Variants in MTG1 observed in about 807,000 individuals in gnomAD.
MTG1 encodes the protein mitochondrial ribosome-associated GTPase 1.
Under a neutral mutation model 39.5 loss-of-function variants are expected in MTG1, and 30 were observed. The observed-to-expected ratio is 0.76, with a 90% CI of 0.57 to 1.03. The LOEUF (loss-of-function observed/expected upper bound fraction) is 1.03. MTG1 is among the 50% of genes least tolerant of loss of function. MTG1 has a pLI of 0.00. For synonymous variants in MTG1, 217 were observed against 179.0 expected, an observed-to-expected ratio of 1.21 and a Z score of -1.69; for missense variants, 513 against 447.4, an observed-to-expected ratio of 1.15 and a Z score of -1.32.
intron 9 of MTG1, among the ~76,000 whole-genome samples, chr10:133,410,005 C>T (rs2133507096): frequency 6.6e-6 from 1 of 151,234 alleles, no homozygotes; most frequent in East Asian, 1.9e-4. Flanking sequence ...TTATAGGTAG[C>T]ATATAGTTTG....
In MTG1 at chr10:133,420,091, C is replaced by G. The variant is rs372230583; in HGVS notation, c.931C>G (p.Arg311Gly). 4.3e-6 allele frequency: 7 copies of G among 1,613,536 alleles called. No individual in the cohort carries two copies. Among genetic ancestry groups the G allele is most frequent in the Non-Finnish European group, 5.9e-6 (7 of 1,179,800 alleles). The change falls in exon 11 of 11, where the codon CGT (arginine) becomes GGT (glycine). Residue 311 changes from arginine to glycine, a missense_variant. Coordinates refer to ENST00000317502, the MANE Select transcript of MTG1 (RefSeq NM_138384.4). ...CCGTGACTTCCTGCAGACTTTCCGC[C>G]GTGGGCTGCTGGGTTCCGTGATGCT... Reference protein sequence around the residue: ...AARDFLQTFRRGLLGSVMLDL... With the variant: ...AARDFLQTFRGGLLGSVMLDL...
At chr10:133,408,666 CA>C (rs1850003612) in intron 9 of MTG1, among the ~76,000 whole-genome samples, 2 of 152,170 alleles carry the variant, frequency 1.3e-5, no homozygotes, top group South Asian at 4.1e-4. Context: ...GCAGTGAAGC[CA>C]TCAGGACCTG....
In MTG1 at chr10:133,420,211, T is replaced by A. The variant is rs1589921623; in HGVS notation, c.*46T>A. The A allele has an allele frequency of 6.4e-7, 1 of 1,559,074 alleles. No individual in the cohort carries two copies. The highest frequency in any genetic ancestry group is 1.2e-5 in the South Asian group (1 of 84,236). On this transcript the variant is annotated 3_prime_UTR_variant, in exon 11 of 11. Coordinates refer to ENST00000317502, the MANE Select transcript of MTG1 (RefSeq NM_138384.4). Reference sequence around the variant, plus strand: ...CCGGAGGCATGTGGCCTCCCAGACCTCCTGACCTGGGTGGTTGAGGCTCAA... The same window carrying A: ...CCGGAGGCATGTGGCCTCCCAGACCACCTGACCTGGGTGGTTGAGGCTCAA...
chr10:133,394,664 C>T (rs1849754400), intron 1 of MTG1: 3 of 1,170,728 alleles, frequency 2.6e-6, no homozygotes, highest in Non-Finnish European at 3.2e-6. Context: ...CCCGAAGCCT[C>T]CGTTTCCACA....
At chr10:133,397,808 G>A (rs1182950099) in intron 3 of MTG1, among the ~76,000 whole-genome samples, 2 of 140,252 alleles carry the variant, frequency 1.4e-5, no homozygotes, top group East Asian at 4.2e-4. Context: ...ATCATCGCAA[G>A]TGTTTTCACT....
intron 3 of MTG1, 79 bp downstream of exon 3, chr10:133,396,346 C>G: frequency 8.1e-7 from 1 of 1,229,378 alleles, no homozygotes. Flanking sequence ...GAAGAGTTGC[C>G]GGACGCACAC....
At chr10:133,399,735 C>A in intron 6 of MTG1, 116 bp downstream of exon 6, 2 of 1,031,680 alleles carry the variant, frequency 1.9e-6, no homozygotes, top group Non-Finnish European at 2.9e-6. Flanking sequence ...CAGTCTTCTG[C>A]TGACCCCGCA....
chr10:133,421,904 G>GGGGC lies in MTG1; in HGVS notation c.*1742_*1743insCGGG, dbSNP rs1554893369. The stretch of plus-strand genomic sequence containing the variant: ...GAGGGTGAGATCCCAAGGCCACGGC[G>GGGGC]GGGGGCAGGGAGAACCCCTCCTACC... On this transcript the variant is annotated 3_prime_UTR_variant, in exon 11 of 11. Coordinates refer to ENST00000317502, the MANE Select transcript of MTG1 (RefSeq NM_138384.4). 1.1e-4 allele frequency: 15 copies of GGGGC among 138,186 alleles called. No homozygotes were observed. Among genetic ancestry groups the GGGGC allele is most frequent in the African/African-American group, 4.6e-4 (15 of 32,786 alleles). 8.6% of individuals were successfully genotyped at this position (138,186 alleles called of 1,614,324 possible). A position where few individuals can be genotyped will look rare whatever the true frequency, so the allele number is the denominator to read the frequency against.
rs941066986 is a variant in MTG1, at chr10:133,402,545, G to A, written c.671-147G>A. 3.0e-5 allele frequency: 23 copies of A among 779,482 alleles called. No homozygotes were observed. Among genetic ancestry groups the A allele is most frequent in the East Asian group, 5.4e-5 (2 of 37,178 alleles). 48.3% of individuals were successfully genotyped at this position (779,482 alleles called of 1,614,324 possible). The stretch of plus-strand genomic sequence containing the variant: ...GGGGCCGGGACCACAGCCGAGTGCC[G>A]TCCTCTTGGTTAGTGTCTTTGTCAG... On this transcript the variant is annotated intron_variant, in intron 8 of 10. Transcript: ENST00000317502. The surrounding 1 kb of genome is among the most constrained non-coding windows in gnomAD (Gnocchi z 4.7).
At chr10:133,418,780 G>A (rs1010203560) in intron 9 of MTG1, among the ~76,000 whole-genome samples, 2 of 152,174 alleles carry the variant, frequency 1.3e-5, no homozygotes, top group Non-Finnish European at 2.9e-5. Flanking sequence ...TTGGGAGAGT[G>A]TTGGGTCTGG....
At position 133,402,184 on chromosome 10, in the gene MTG1, T is replaced by C. The variant is rs755644577; in HGVS notation, c.609T>C (p.Thr203=). The C allele has an allele frequency of 1.8e-5, 29 of 1,613,602 alleles. No individual in the cohort carries two copies. The highest frequency in any genetic ancestry group is 2.5e-5 in the Non-Finnish European group (29 of 1,179,764). Residue 203 remains threonine, a synonymous_variant, in exon 8 of 11, where the codon ACT becomes ACC. Coordinates refer to ENST00000317502, the MANE Select transcript of MTG1 (RefSeq NM_138384.4). The surrounding 1 kb of genome is among the most constrained non-coding windows in gnomAD (Gnocchi z 4.7). ...GGCCCCTGATGTTCCTGTTGGACAC[T>C]CCTGGCGTGCTGGCTCCTCGGATTG... ...SERPLMFLLD[T]PGVLAPRIES...
chr10:133,407,181 G>T (rs190273886), intron 9 of MTG1, among the ~76,000 whole-genome samples: 2 of 152,146 alleles, frequency 1.3e-5, no homozygotes, highest in Non-Finnish European at 2.9e-5. Context: ...TGCCAGTAGC[G>T]TGCTGTTTTT....
At chr10:133,414,134 C>T (rs1465584717) in intron 9 of MTG1, among the ~76,000 whole-genome samples, 1 of 150,210 alleles carries the variant, frequency 6.7e-6, no homozygotes, top group East Asian at 1.9e-4. Context: ...AGCATGCTGC[C>T]TTCAAGCATC....
intron 9 of MTG1, among the ~76,000 whole-genome samples, chr10:133,408,110 T>C (rs1849994858): frequency 6.6e-6 from 1 of 152,220 alleles, no homozygotes; most frequent in East Asian, 1.9e-4. Flanking sequence ...TTCTGTTGAA[T>C]AAAAGTGGTA....
chr10:133,394,520 C>T (rs1468356495), intron 1 of MTG1, 188 bp downstream of exon 1: 2 of 1,344,594 alleles, frequency 1.5e-6, no homozygotes, highest in African/African-American at 1.5e-5. Flanking sequence ...TTCCCCTGCG[C>T]AGCTGCGGGA....
chr10:133,397,165 C>G (rs1307007775), intron 3 of MTG1, among the ~76,000 whole-genome samples: 1 of 152,182 alleles, frequency 6.6e-6, no homozygotes, highest in East Asian at 1.9e-4. Flanking sequence ...TTTTAGATAG[C>G]AGTAGCAAAA....
At chr10:133,419,619 C>T (rs374391661) in intron 10 of MTG1, 27 bp downstream of exon 10, 201 of 1,551,172 alleles carry the variant, frequency 1.3e-4, no homozygotes, top group Admixed American at 2.2e-4. Flanking sequence ...ATGCGGGCAC[C>T]GGAGCCTCAC....
chr10:133,399,964 G>A (rs1429542571), intron 6 of MTG1, among the ~76,000 whole-genome samples: 1 of 152,194 alleles, frequency 6.6e-6, no homozygotes, highest in Non-Finnish European at 1.5e-5. Flanking sequence ...AGGCCGAGGC[G>A]GGCGGATCAT....
Position 133,421,335 on chromosome 10 carries a change from T to C in MTG1, c.*1170T>C, listed in dbSNP as rs55777511. ...ATTGCAGATCACGAAGTGTCCATCA[T>C]AACTGGAACATTCCATCAGCTTGCA... On this transcript the variant is annotated 3_prime_UTR_variant, in exon 11 of 11. Transcript: ENST00000317502. 0.01 allele frequency: 1,611 copies of C among 153,430 alleles called. 11 individuals carry two copies. The highest frequency in any genetic ancestry group is 0.015 in the Non-Finnish European group (1,014 of 68,216). 9.5% of individuals were successfully genotyped at this position (153,430 alleles called of 1,614,324 possible).
Sources: gnomAD v4.1 joint callset for allele counts (sites outside exome capture counted in the v4.1 genomes callset) on GRCh38, gnomAD v4.1.1 for gene constraint, Gnocchi (gnomAD v3.1) non-coding constraint, MANE v1.5 for transcripts, NCBI Gene and HGNC (gene_info 2026-07-23, HGNC 2026-07-21) for gene names.